Variants in LCN6 observed in about 807,000 individuals in gnomAD.
The protein encoded by LCN6 is lipocalin 6, also known as epididymal-specific lipocalin-6.
A neutral mutation model predicts 21.4 loss-of-function variants in LCN6; 20 were observed. That is an observed-to-expected ratio of 0.93 (90% CI 0.66 to 1.36). The LOEUF is 1.36. Among genes scored for constraint, LCN6 ranks in the 40% most tolerant of loss-of-function variants. LCN6 has a pLI of 0.00. For synonymous variants in LCN6, 96 were observed against 89.0 expected (o/e 1.08, Z -0.44); for missense variants, 217 against 206.6 (o/e 1.05, Z -0.31).
chr9:136,747,027 T>G (rs1216149527), intron 2 of LCN6: 1 of 168,080 alleles, frequency 5.9e-6, no homozygotes, highest in African/African-American at 2.4e-5. Flanking sequence ...ATTTATGTTA[T>G]GAAAGAACCA....
chr9:136,745,391 C>T, intron 3 of LCN6, 111 bp from the exon 4 acceptor site: 1 of 750,408 alleles, frequency 1.3e-6, no homozygotes. Flanking sequence ...GTGAGAGCCC[C>T]CCTCCCCAGG....
rs753566727 is a variant in LCN6 at position 136,748,409 on chromosome 9, T to A, written c.75A>T (p.Arg25Ser). Residue 25 changes from arginine to serine, a missense_variant, in exon 1 of 7, where the codon AGA becomes AGT. Physicochemically the swap from Arg to Ser is moderately radical, Grantham distance 110 (BLOSUM62 -1). Transcript: ENST00000341206. ...AGGACTGTACCTGCTCAGGGTCCAG[T>A]CTTCCCAACCACACGGCCTGGGCCC... ...VPRAQAVWLG[R>S]LDPEQLLGPW... 6.2e-7 allele frequency: 1 copy of A among 1,612,480 alleles called. No homozygotes were observed. Among genetic ancestry groups the A allele is most frequent in the Non-Finnish European group, 8.5e-7 (1 of 1,179,760 alleles).
At position 136,745,750 on chromosome 9, in the gene LCN6, GGGAGCGGAGT is replaced by G. The variant is rs1847028636; in HGVS notation, c.301+84_301+93del. ...CAGAACCTGTAGCCTCCTGGCTCTC[GGGAGCGGAGT>G]CAGCCCTCCGTCCCTGCCCGCAGGG... On this transcript the variant is annotated intron_variant, in intron 3 of 6. Transcript: ENST00000341206. 5 of 1,090,548 alleles carry G rather than the reference GGGAGCGGAGT, an allele frequency of 4.6e-6. No homozygotes were observed. In the African/African-American group the frequency reaches 7.7e-5, roughly 17 times the overall value. The allele number at this position is 1,090,548 out of a possible 1,614,324, so 67.6% of individuals were successfully genotyped here.
At chr9:136,745,574 C>A in intron 3 of LCN6, 1 of 592,980 alleles carries the variant, frequency 1.7e-6, no homozygotes, top group Non-Finnish European at 3.0e-6. Flanking sequence ...AGCCCTGTAC[C>A]TGTAGACAGC....
Position 136,744,760 on chromosome 9 carries a change from T to A in LCN6, c.413-19A>T, listed in dbSNP as rs1847011482. 4 of 1,578,898 alleles carry A rather than the reference T, an allele frequency of 2.5e-6. No individual in the cohort carries two copies. The highest frequency in any genetic ancestry group is 1.4e-5 in the African/African-American group (1 of 73,920). ...GTCAGACCTGGGGGCACCAGGGCAG[T>A]GCAGGGGGAAGCAACCTCTGAGAGC... On this transcript the variant is annotated intron_variant, in intron 4 of 6. Coordinates refer to ENST00000341206, the MANE Select transcript of LCN6 (RefSeq NM_198946.3). The surrounding 1 kb of genome is among the most constrained non-coding windows in gnomAD (Gnocchi z 4.2).
Position 136,747,504 on chromosome 9 carries a change from C to T in LCN6, c.150G>A (p.Glu50=). The T allele has an allele frequency of 6.2e-7, 1 of 1,613,614 alleles. No homozygotes were observed. The highest frequency in any genetic ancestry group is 8.5e-7 in the Non-Finnish European group (1 of 1,179,880). The change falls in exon 2 of 7, where the codon GAG becomes GAA. Residue 50 remains glutamate (E), a synonymous_variant. Transcript: ENST00000341206. ...CCCCCACGACGTTCTTCATGTCCTT[C>T]TCCATGGCAAAGCCCTTTTCCCGGG... is the stretch of plus-strand genomic sequence containing the variant. The part of the protein sequence containing the change: ...VASREKGFAM[E]KDMKNVVGVV...
In LCN6 at chr9:136,745,261, G is replaced by C. The variant is rs138066240; in HGVS notation, c.321C>G (p.Leu107=). ...CTCTGAAGTTGGTGGCCAGCACCCA[G>C]AGCTCCAGCACGCCTATTGCTAGGA... ...FENPSIGVLE[L]WVLATNFRDY... The change falls in exon 4 of 7, where the codon CTC becomes CTG. Residue 107 remains leucine (L), a synonymous_variant. Coordinates refer to ENST00000341206, the MANE Select transcript of LCN6 (RefSeq NM_198946.3). The C allele has an allele frequency of 1.8e-4, 292 of 1,613,356 alleles. No individual in the cohort carries two copies. In the African/African-American group the frequency reaches 3.4e-3, roughly 19 times the overall value.
At chr9:136,748,157 C>T (rs1047143152) in intron 1 of LCN6, among the ~76,000 whole-genome samples, 3 of 152,002 alleles carry the variant, frequency 2.0e-5, no homozygotes, top group African/African-American at 7.2e-5. Flanking sequence ...CACCCTCCAG[C>T]CCTGCAACCT....
rs745965529 is a variant in LCN6 at position 136,748,435 on chromosome 9, T to C, written c.49A>G (p.Arg17Gly). 1.2e-6 allele frequency: 2 copies of C among 1,612,990 alleles called. No homozygotes were observed. Among genetic ancestry groups the C allele is most frequent in the South Asian group, 1.1e-5 (1 of 91,034 alleles). The change falls in exon 1 of 7, where the codon AGG becomes GGG. Residue 17 changes from arginine to glycine, a missense_variant. By Grantham distance (125) the Arg-to-Gly change is moderately radical. Coordinates refer to ENST00000341206, the MANE Select transcript of LCN6 (RefSeq NM_198946.3). ...CTTCCCAACCACACGGCCTGGGCCC[T>C]GGGCACCGAGACCAAAGCCAGAAAA... is the stretch of plus-strand genomic sequence containing the variant. ...AAFLALVSVP[R>G]AQAVWLGRLD...
intron 2 of LCN6, 148 bp downstream of exon 2, chr9:136,747,276 C>CAG (rs1847051476): frequency 1.1e-6 from 1 of 905,014 alleles, no homozygotes; most frequent in Non-Finnish European, 1.6e-6. Flanking sequence ...TGGCTCTGCA[C>CAG]AGAGCCCAGT....
chr9:136,745,263 G>C lies in LCN6; in HGVS notation c.319C>G (p.Leu107Val), dbSNP rs201224621. 1.2e-6 allele frequency: 2 copies of C among 1,612,952 alleles called. No individual in the cohort carries two copies. The highest frequency in any genetic ancestry group is 1.7e-6 in the Non-Finnish European group (2 of 1,179,356). Residue 107 changes from leucine (L) to valine (V), a missense_variant, in exon 4 of 7, where the codon CTC (leucine) becomes GTC (valine). Physicochemically the swap from Leu to Val is conservative, Grantham distance 32. Coordinates refer to ENST00000341206, the MANE Select transcript of LCN6 (RefSeq NM_198946.3). ...CTGAAGTTGGTGGCCAGCACCCAGA[G>C]CTCCAGCACGCCTATTGCTAGGAAA... ...FENPSIGVLE[L>V]WVLATNFRDY...
At chr9:136,746,471 A>C (rs1847040325) in intron 2 of LCN6, among the ~76,000 whole-genome samples, 1 of 152,176 alleles carries the variant, frequency 6.6e-6, no homozygotes, top group South Asian at 2.1e-4. Context: ...AGCAAAACCC[A>C]GCAAAGGTGC....
chr9:136,744,729 G>T lies in LCN6; in HGVS notation c.425C>A (p.Thr142Lys). ...GAGCCCCATGGCCTCCTGGCTGGCT[G>T]TCTCCGTCAGACCTGGGGGCACCAG... ...NTVELYSLTE[T>K]ASQEAMGLFT... The change falls in exon 5 of 7, where the codon ACA (threonine) becomes AAA (lysine). Residue 142 changes from threonine (T) to lysine (K), a missense_variant. Thr to Lys is a moderately conservative substitution (Grantham distance 78, BLOSUM62 -1). Transcript: ENST00000341206. This position sits in a 1 kb window ranked among gnomAD's most constrained non-coding sequence, Gnocchi z 4.2. The T allele has an allele frequency of 6.2e-7, 1 of 1,609,158 alleles. No individual in the cohort carries two copies. Among genetic ancestry groups the T allele is most frequent in the Non-Finnish European group, 8.5e-7 (1 of 1,177,690 alleles).
rs116718547 is a variant in LCN6 at position 136,745,704 on chromosome 9, G to T, written c.301+140C>A. On this transcript the variant is annotated intron_variant, in intron 3 of 6. Transcript: ENST00000341206. ...TCCAGGGGCTTCTCTTCACCCTCAG[G>T]ATGGGCAGCAATCCCAAGACCAGAA... 4 of 749,792 alleles carry T rather than the reference G, an allele frequency of 5.3e-6. No individual in the cohort carries two copies. The East Asian group carries it at 7.3e-5, about 14-fold the overall frequency. The allele number at this position is 749,792 out of a possible 1,614,324, so 46.4% of individuals were successfully genotyped here.
In LCN6 at chr9:136,744,348, C is replaced by T. The variant is rs1431610412; in HGVS notation, c.*39G>A. The T allele has an allele frequency of 2.2e-5, 7 of 324,178 alleles. No homozygotes were observed. Among genetic ancestry groups the T allele is most frequent in the Non-Finnish European group, 3.5e-5 (6 of 172,252 alleles). The allele number at this position is 324,178 out of a possible 1,614,324, so 20.1% of individuals were successfully genotyped here. Reference sequence around the variant, plus strand: ...CAGGATGGCGGCTTACCAGAAGGATCTTGTGAGCACAGGTGACTAGAAGGG... The same window carrying T: ...CAGGATGGCGGCTTACCAGAAGGATTTTGTGAGCACAGGTGACTAGAAGGG... On this transcript the variant is annotated 3_prime_UTR_variant, in exon 6 of 7. Coordinates refer to ENST00000341206, the MANE Select transcript of LCN6 (RefSeq NM_198946.3). The surrounding 1 kb of genome is among the most constrained non-coding windows in gnomAD (Gnocchi z 4.2).
At chr9:136,745,786 G>C in intron 3 of LCN6, 58 bp downstream of exon 3, 1 of 1,479,608 alleles carries the variant, frequency 6.8e-7, no homozygotes, top group Admixed American at 1.7e-5. Flanking sequence ...GCCCGCAGGG[G>C]GCCTGGGGAT....
At chr9:136,745,332 A>T in intron 3 of LCN6, 52 bp from the exon 4 acceptor site, 1 of 1,285,574 alleles carries the variant, frequency 7.8e-7, no homozygotes, top group Non-Finnish European at 1.1e-6. Context: ...GTATCCATCC[A>T]GGGGCCGCTG....
chr9:136,745,126 C>T (rs778716241), intron 4 of LCN6, 44 bp downstream of exon 4: 11 of 1,131,228 alleles, frequency 9.7e-6, no homozygotes, highest in African/African-American at 1.5e-5. Context: ...GAGTGGCCCA[C>T]GCACCACACA....
At chr9:136,745,770 G>T in intron 3 of LCN6, 74 bp downstream of exon 3, 3 of 1,357,102 alleles carry the variant, frequency 2.2e-6, no homozygotes, top group Non-Finnish European at 3.2e-6. Context: ...TCAGCCCTCC[G>T]TCCCTGCCCG....
Sources: allele counts gnomAD v4.1 joint callset (sites outside exome capture counted in the v4.1 genomes callset), GRCh38; gene constraint gnomAD v4.1.1; non-coding constraint Gnocchi (gnomAD v3.1); transcripts MANE v1.5; gene names NCBI Gene and HGNC (gene_info 2026-07-23, HGNC 2026-07-21).